Variants in MYRIP observed in about 807,000 individuals in gnomAD.
MYRIP encodes rab effector MyRIP.
MYRIP carries 49 observed loss-of-function variants against 98.0 expected under a neutral mutation model. The ratio of observed to expected loss-of-function variants is 0.50; its 90% confidence interval spans 0.40 to 0.63. The LOEUF (loss-of-function observed/expected upper bound fraction) is 0.63, where lower values mean the gene tolerates loss of function less well. Ranked by LOEUF, MYRIP falls within the 30% of genes least tolerant of loss-of-function variation. MYRIP has a pLI of 0.00. For synonymous variants in MYRIP, 404 were observed against 409.5 expected (o/e 0.99, Z 0.16); for missense variants, 1,004 against 1,058.2 (o/e 0.95, Z 0.71).
intron 2 of MYRIP, among the ~76,000 whole-genome samples, chr3:39,995,040 G>C (rs1040680162): frequency 6.6e-6 from 1 of 152,112 alleles, no homozygotes; most frequent in African/African-American, 2.4e-5. Flanking sequence ...CCATCTGTAA[G>C]TCACCATCAT....
At chr3:39,988,560 T>G (rs966669510) in intron 2 of MYRIP, among the ~76,000 whole-genome samples, 16 of 152,278 alleles carry the variant, frequency 1.1e-4, no homozygotes, top group Non-Finnish European at 2.2e-4. Flanking sequence ...TTGCCCTGTC[T>G]TGCTAGGTTG....
intron 1 of MYRIP, among the ~76,000 whole-genome samples, chr3:39,889,294 G>A (rs1310251004): frequency 2.0e-5 from 3 of 152,112 alleles, no homozygotes; most frequent in African/African-American, 4.8e-5. Flanking sequence ...GTCCAACAAC[G>A]ATAGACTGGA....
intron 2 of MYRIP, among the ~76,000 whole-genome samples, chr3:39,911,973 C>T (rs1944031756): frequency 6.6e-6 from 1 of 152,216 alleles, no homozygotes; most frequent in Non-Finnish European, 1.5e-5. Context: ...GTCAGGGTGA[C>T]TTATAATGAG....
chr3:40,200,527 T>G (rs1171507530), intron 10 of MYRIP, among the ~76,000 whole-genome samples: 1 of 152,198 alleles, frequency 6.6e-6, no homozygotes, highest in Non-Finnish European at 1.5e-5. Flanking sequence ...GATTATCCAC[T>G]GAAAATGATC....
chr3:40,110,631 C>T (rs770307939), intron 3 of MYRIP, among the ~76,000 whole-genome samples: 13 of 152,120 alleles, frequency 8.5e-5, no homozygotes, highest in Non-Finnish European at 1.8e-4. Context: ...CTACCAACCA[C>T]GGGAGGCCTG....
At chr3:39,974,834 C>T (rs1000451611) in intron 2 of MYRIP, among the ~76,000 whole-genome samples, 75 of 151,930 alleles carry the variant, frequency 4.9e-4, no homozygotes, top group Non-Finnish European at 7.9e-4. Context: ...AAAAGGCCTT[C>T]GAAAAAATTC....
Position 40,166,957 on chromosome 3 carries a change from T to G in MYRIP, c.648+14T>G, listed in dbSNP as rs767107360. 2 of 1,597,076 alleles carry G rather than the reference T, an allele frequency of 1.3e-6. No homozygotes were observed. The highest frequency in any genetic ancestry group is 1.7e-6 in the Non-Finnish European group (2 of 1,164,628). On this transcript the variant is annotated intron_variant, in intron 6 of 16. Transcript: ENST00000302541. ...GGGGACAGCCTGGTAGGGCCCCTCC[T>G]GCTCCTCTCTGTGGGGGGAGGTGTG...
chr3:40,088,947 C>A (rs1377425880), intron 3 of MYRIP, among the ~76,000 whole-genome samples: 1 of 149,342 alleles, frequency 6.7e-6, no homozygotes, highest in Non-Finnish European at 1.5e-5. Flanking sequence ...TGGTGGTAAC[C>A]AGAGGAATGG....
chr3:40,000,450 T>C (rs1002530222), intron 2 of MYRIP, among the ~76,000 whole-genome samples: 10 of 152,170 alleles, frequency 6.6e-5, no homozygotes, highest in African/African-American at 2.4e-4. Context: ...ATTTGTGTCT[T>C]AAGTTCTAAA....
intron 2 of MYRIP, among the ~76,000 whole-genome samples, chr3:39,976,477 G>A (rs1288931999): frequency 6.6e-6 from 1 of 152,212 alleles, no homozygotes; most frequent in African/African-American, 2.4e-5. Flanking sequence ...CATTGTGGAA[G>A]TCAGTGTGGC....
intron 1 of MYRIP, among the ~76,000 whole-genome samples, chr3:39,899,521 A>T (rs1943695278): frequency 6.6e-6 from 1 of 152,184 alleles, no homozygotes; most frequent in Non-Finnish European, 1.5e-5. Context: ...CCAAACTAAA[A>T]ATTTCATATG....
At chr3:40,239,278 G>A (rs1952924644) in intron 12 of MYRIP, among the ~76,000 whole-genome samples, 1 of 150,744 alleles carries the variant, frequency 6.6e-6, no homozygotes, top group South Asian at 2.1e-4. Flanking sequence ...TGGTATATAT[G>A]TGCCACATTT....
intron 3 of MYRIP, among the ~76,000 whole-genome samples, chr3:40,092,978 C>T (rs1432525515): frequency 2.6e-5 from 4 of 152,106 alleles, no homozygotes; most frequent in Middle Eastern, 3.2e-3. Flanking sequence ...TGACTCCCTC[C>T]CAGAATCTCC....
rs184458104 is a variant in MYRIP, at chr3:39,848,054, T to C, written c.-31+38138T>C. Among the ~76,000 whole-genome samples the C allele has an allele frequency of 2.8e-4, 43 of 152,280 alleles. No homozygotes were observed. In the East Asian group the frequency reaches 7.7e-3, roughly 27 times the overall value. On this transcript the variant is annotated intron_variant, in intron 1 of 16. Coordinates refer to ENST00000302541, the MANE Select transcript of MYRIP (RefSeq NM_015460.4). ...GGTACTGCAAAAGCTTCCTCCAACA[T>C]GCTGGTGGGGTTAGGAGTGGAGAAG...
At chr3:39,827,682 T>C (rs537158894) in intron 1 of MYRIP, among the ~76,000 whole-genome samples, 1 of 152,316 alleles carries the variant, frequency 6.6e-6, no homozygotes, top group Admixed American at 6.5e-5. Flanking sequence ...TCACATTTGG[T>C]GAATGTGATG....
chr3:40,015,287 T>TAG, intron 2 of MYRIP, among the ~76,000 whole-genome samples: 1 of 152,308 alleles, frequency 6.6e-6, no homozygotes, highest in South Asian at 2.1e-4. Flanking sequence ...AGAGTTCAGT[T>TAG]ATGAATTTGT....
At chr3:40,165,990 A>C (rs1350887264) in intron 5 of MYRIP, among the ~76,000 whole-genome samples, 1 of 152,098 alleles carries the variant, frequency 6.6e-6, no homozygotes, top group Non-Finnish European at 1.5e-5. Context: ...TCTGTGCTTC[A>C]AATTTACCAT....
chr3:39,855,306 C>CTAG (rs1213217180), intron 1 of MYRIP, among the ~76,000 whole-genome samples: 2 of 152,072 alleles, frequency 1.3e-5, no homozygotes, highest in Non-Finnish European at 2.9e-5. Context: ...AGCATGAGCT[C>CTAG]TAGTAGTAGT....
chr3:40,124,076 A>T (rs1367922323), intron 3 of MYRIP, among the ~76,000 whole-genome samples: 3 of 152,098 alleles, frequency 2.0e-5, no homozygotes, highest in Non-Finnish European at 4.4e-5. Context: ...GCAGAACCTC[A>T]CTTCTGCCAT....
Sources: gnomAD v4.1 joint callset for allele counts (sites outside exome capture counted in the v4.1 genomes callset) on GRCh38, gnomAD v4.1.1 for gene constraint, MANE v1.5 for transcripts, NCBI Gene and HGNC (gene_info 2026-07-23, HGNC 2026-07-21) for gene names.